LCORL: variants seen among roughly 807,000 people sequenced by gnomAD.
The protein encoded by LCORL is ligand-dependent nuclear receptor corepressor-like protein.
In LCORL, 41 loss-of-function variants were observed where a neutral mutation model predicts 141.8. The ratio of observed to expected loss-of-function variants is 0.29; its 90% CI spans 0.23 to 0.38. The LOEUF (loss-of-function observed/expected upper bound fraction) is 0.38, where lower values mean the gene tolerates loss of function less well. Ranked by LOEUF, LCORL falls within the 10% of genes least tolerant of loss-of-function variation. The probability of loss-of-function intolerance (pLI) is 1.00; values close to 1 mark genes in which losing one functional copy is unlikely to be tolerated. For missense variants in LCORL, 1,759 were observed against 2,035.0 expected, an observed-to-expected ratio of 0.86 and a Z score of 2.61; for synonymous variants, 618 against 694.1, an observed-to-expected ratio of 0.89 and a Z score of 1.72.
chr4:17,902,264 G>A (rs147675000), intron 5 of LCORL, among the ~76,000 whole-genome samples: 5 of 152,106 alleles, frequency 3.3e-5, no homozygotes, highest in African/African-American at 4.8e-5. Flanking sequence ...GCAGGAGAGC[G>A]TAGGCCTAGA....
chr4:17,884,472 C>A lies in LCORL; in HGVS notation c.776+1596G>T, dbSNP rs557363110. ...TCTGTGCGCTCTGCTTGAGCTCTTG[C>A]CCACAAGGCTACTTTTTGCAGCACT... On this transcript the variant is annotated intron_variant, in intron 6 of 7. Coordinates refer to ENST00000635767, the Ensembl canonical transcript of LCORL. The surrounding 1 kb of genome is among the most constrained non-coding windows in gnomAD (Gnocchi z 4.4). 1.9e-6 allele frequency: 3 copies of A among 1,548,990 alleles called. No individual in the cohort carries two copies. The highest frequency in any genetic ancestry group is 2.6e-6 in the Non-Finnish European group (3 of 1,145,974).
chr4:17,845,327 T>C (rs1336965837), exon 8 of LCORL: 1 of 156,234 alleles, frequency 6.4e-6, no homozygotes, highest in Non-Finnish European at 1.4e-5. Context: ...TTCGAGGTAG[T>C]TGGTATCCAC....
intron 4 of LCORL, among the ~76,000 whole-genome samples, chr4:17,945,644 G>A (rs1283076589): frequency 1.3e-5 from 2 of 151,842 alleles, no homozygotes; most frequent in Non-Finnish European, 2.9e-5. Context: ...ACCTAATTTA[G>A]TATGTTGGGC....
At chr4:18,000,968 AAAAC>A (rs1303587825) in intron 1 of LCORL, among the ~76,000 whole-genome samples, 16 of 152,362 alleles carry the variant, frequency 1.1e-4, no homozygotes, top group Admixed American at 1.0e-3. Context: ...ATCCAGAAAG[AAAAC>A]AAATATGCAA....
chr4:17,884,588 G>C lies in LCORL; in HGVS notation c.776+1480C>G, dbSNP rs1433557079. On this transcript the variant is annotated intron_variant, in intron 6 of 7. Coordinates refer to ENST00000635767, the Ensembl canonical transcript of LCORL. This position sits in a 1 kb window ranked among gnomAD's most constrained non-coding sequence, Gnocchi z 4.4. ...AGATGCAGGCTTCCCTGCTGGTAAG[G>C]CTTCTAAGTGAAGAAGTAAAGTTTT... 3 of 1,543,940 alleles carry C rather than the reference G, an allele frequency of 1.9e-6. No homozygotes were observed. Among genetic ancestry groups the C allele is most frequent in the Non-Finnish European group, 2.6e-6 (3 of 1,144,552 alleles).
At chr4:17,906,934 A>T (rs1277556745) in intron 5 of LCORL, among the ~76,000 whole-genome samples, 1 of 152,098 alleles carries the variant, frequency 6.6e-6, no homozygotes, top group Non-Finnish European at 1.5e-5. Context: ...CACCCACCTC[A>T]GCCTCCCAAA....
intron 4 of LCORL, among the ~76,000 whole-genome samples, chr4:17,954,190 TAAAC>T (rs968396482): frequency 1.5e-4 from 22 of 151,392 alleles, no homozygotes; most frequent in African/African-American, 2.2e-4. Context: ...AACAAACAAA[TAAAC>T]AAAAACGTGA....
At chr4:18,007,921 A>C (rs1261278800) in intron 1 of LCORL, among the ~76,000 whole-genome samples, 1 of 152,214 alleles carries the variant, frequency 6.6e-6, no homozygotes, top group Non-Finnish European at 1.5e-5. Flanking sequence ...AAAGCAAAGA[A>C]GAAAAAAGTA....
At chr4:17,959,038 G>A (rs757823173) in intron 4 of LCORL, among the ~76,000 whole-genome samples, 16 of 152,014 alleles carry the variant, frequency 1.1e-4, no homozygotes, top group Admixed American at 3.9e-4. Context: ...GAGTATTTTT[G>A]ACTAGCTTCT....
At chr4:17,861,449 C>T (rs1725004584) in intron 7 of LCORL, among the ~76,000 whole-genome samples, 1 of 152,206 alleles carries the variant, frequency 6.6e-6, no homozygotes, top group African/African-American at 2.4e-5. Context: ...AGACTGCACA[C>T]AGCACGGGGA....
chr4:17,883,678 A>ACG (rs1727893386), intron 6 of LCORL: 2 of 1,476,116 alleles, frequency 1.4e-6, no homozygotes, highest in South Asian at 2.8e-5. Context: ...ACGCAAACAC[A>ACG]CACACACACA....
chr4:17,879,410 T>C (rs530197445), intron 6 of LCORL, among the ~76,000 whole-genome samples: 1 of 151,180 alleles, frequency 6.6e-6, no homozygotes, highest in East Asian at 1.9e-4. Flanking sequence ...ATTCATCCAA[T>C]GTTCCACTAA....
chr4:17,887,526 G>T (rs74646154), intron 5 of LCORL, among the ~76,000 whole-genome samples: 2,466 of 152,220 alleles, frequency 0.016, 58 homozygotes, highest in African/African-American at 0.057. Flanking sequence ...CTGTATAGGG[G>T]CTGTGATATG....
rs181782204 is a variant in LCORL, at chr4:17,994,889, A to C, written c.155-22004T>G. 6.7e-3 allele frequency among the ~76,000 whole-genome samples: 1,026 copies of C among 152,292 alleles called. 17 individuals carry two copies. Among genetic ancestry groups the C allele is most frequent in the African/African-American group, 0.024 (988 of 41,558 alleles). ...ATCCTGTCATCCTGCTGGCTATGCT[A>C]GCCCAATGCCTGGTCCATGCTAGGC... On this transcript the variant is annotated intron_variant, in intron 1 of 7. Coordinates refer to ENST00000635767, the Ensembl canonical transcript of LCORL.
chr4:17,976,248 TAAAATTGA>T lies in LCORL; in HGVS notation c.155-3371_155-3364del, dbSNP rs1379098118. Among the ~76,000 whole-genome samples, 5 of 152,316 alleles carry T rather than the reference TAAAATTGA, an allele frequency of 3.3e-5. No homozygotes were observed. In the East Asian group the frequency reaches 9.6e-4, roughly 29 times the overall value. ...TTTTGAGGACAGTGTTTTAGACCAT[TAAAATTGA>T]ATGTATTTATTAAAATAGTTGGATT... On this transcript the variant is annotated intron_variant, in intron 1 of 7. Transcript: ENST00000635767.
At chr4:17,991,888 ACC>A (rs1720075286) in intron 1 of LCORL, among the ~76,000 whole-genome samples, 1 of 146,308 alleles carries the variant, frequency 6.8e-6, no homozygotes, top group Non-Finnish European at 1.5e-5. Context: ...CCTCACCCTC[ACC>A]CTCACAGAGA....
intron 2 of LCORL, among the ~76,000 whole-genome samples, chr4:17,968,539 G>A (rs1288367838): frequency 6.6e-6 from 1 of 152,136 alleles, no homozygotes; most frequent in Non-Finnish European, 1.5e-5. Flanking sequence ...GTGTTAACAG[G>A]TAGAAAACAT....
Position 17,941,711 on chromosome 4 carries a change from T to G in LCORL, c.430+20192A>C, listed in dbSNP as rs183120350. ...TAATTGAAAAGGAAGGGTAAACCAT[T>G]TTCTTCTTATAGGAAAGCAGTCAAG... On this transcript the variant is annotated intron_variant, in intron 4 of 7. Coordinates refer to ENST00000635767, the Ensembl canonical transcript of LCORL. Among the ~76,000 whole-genome samples, 405 of 152,308 alleles carry G rather than the reference T, an allele frequency of 2.7e-3. 2 individuals carry two copies. The highest frequency in any genetic ancestry group is 2.8e-3 in the Non-Finnish European group (191 of 68,032).
intron 1 of LCORL, chr4:18,020,775 G>C (rs1193169832): frequency 6.6e-6 from 1 of 152,084 alleles, no homozygotes; most frequent in African/African-American, 2.4e-5. Context: ...TGTGTGTAAG[G>C]AAGAGTCCAT....
Sources: allele counts gnomAD v4.1 joint callset (sites outside exome capture counted in the v4.1 genomes callset), GRCh38; gene constraint gnomAD v4.1.1; non-coding constraint Gnocchi (gnomAD v3.1); transcripts MANE v1.5; gene names NCBI Gene and HGNC (gene_info 2026-07-23, HGNC 2026-07-21).